Variants in KSR2 observed in about 807,000 individuals in gnomAD.
KSR2 encodes kinase suppressor of ras 2.
KSR2 carries 25 observed loss-of-function variants against 107.8 expected under a neutral mutation model. The ratio of observed to expected loss-of-function variants is 0.23; its 90% CI spans 0.17 to 0.32. KSR2 has a LOEUF of 0.32. Among genes scored for constraint, KSR2 ranks in the 10% least tolerant of loss-of-function variants. KSR2 has a pLI of 1.00. For missense variants in KSR2, 887 were observed against 1,268.9 expected (o/e 0.70, Z 4.57); for synonymous variants, 480 against 507.0 (o/e 0.95, Z 0.71).
At chr12:117,812,881 A>C (rs1294162096) in intron 3 of KSR2, among the ~76,000 whole-genome samples, 1 of 150,490 alleles carries the variant, frequency 6.6e-6, no homozygotes, top group African/African-American at 2.5e-5. Flanking sequence ...AAAAAGAACA[A>C]AGCTGGAGGC....
At chr12:117,763,137 G>A (rs815692) in intron 3 of KSR2, among the ~76,000 whole-genome samples, 11,563 of 151,552 alleles carry the variant, frequency 0.076, 652 homozygotes, top group Non-Finnish European at 0.12. Context: ...GAGAACATGC[G>A]GTGTTTGGTT....
At chr12:117,786,463 T>C (rs1271273475) in intron 3 of KSR2, among the ~76,000 whole-genome samples, 1 of 152,146 alleles carries the variant, frequency 6.6e-6, no homozygotes, top group African/African-American at 2.4e-5. Flanking sequence ...AGTTCTTTTT[T>C]CTCATCCTCT....
intron 3 of KSR2, among the ~76,000 whole-genome samples, chr12:117,808,155 G>A (rs1479163261): frequency 1.3e-5 from 2 of 152,158 alleles, no homozygotes; most frequent in African/African-American, 4.8e-5. Context: ...AAAGCCCAAA[G>A]TATGGCATTT....
chr12:117,599,005 G>A (rs7976621), intron 5 of KSR2, among the ~76,000 whole-genome samples: 48,490 of 151,838 alleles, frequency 0.32, 8,017 homozygotes, highest in African/African-American at 0.39. Context: ...AAGGGAAGGC[G>A]CCACCAGAAA....
At position 117,481,299 on chromosome 12, in the gene KSR2, C is replaced by A. The variant is rs141032867; in HGVS notation, c.2450+3117G>T. On this transcript the variant is annotated intron_variant, in intron 16 of 19. Transcript: ENST00000339824. ...CTCCCCCAAATTTAGTATGTTGAAC[C>A]CCTAACCCCCAATTTGATTGTATTT... is the stretch of plus-strand genomic sequence containing the variant. 5.2e-3 allele frequency among the ~76,000 whole-genome samples: 796 copies of A among 152,122 alleles called. 4 individuals are homozygous for A. Among genetic ancestry groups the A allele is most frequent in the Middle Eastern group, 0.01 (3 of 294 alleles).
At chr12:117,844,433 G>GA (rs901973315) in intron 3 of KSR2, among the ~76,000 whole-genome samples, 6 of 146,142 alleles carry the variant, frequency 4.1e-5, no homozygotes, top group South Asian at 2.2e-4. Flanking sequence ...TAACAGATAA[G>GA]AAAAAAAAAC....
intron 4 of KSR2, among the ~76,000 whole-genome samples, chr12:117,673,002 A>G (rs986335251): frequency 2.0e-5 from 3 of 152,162 alleles, no homozygotes; most frequent in African/African-American, 7.2e-5. Context: ...CTGGTGATAG[A>G]TAACCACGGT....
chr12:117,799,232 T>A (rs2137014025), intron 3 of KSR2, among the ~76,000 whole-genome samples: 1 of 152,368 alleles, frequency 6.6e-6, no homozygotes, highest in Admixed American at 6.5e-5. Context: ...CTGGGCGCGG[T>A]GGCTCACGCC....
At chr12:117,906,779 C>T (rs565285980) in intron 1 of KSR2, among the ~76,000 whole-genome samples, 2 of 152,264 alleles carry the variant, frequency 1.3e-5, no homozygotes, top group African/African-American at 4.8e-5. Flanking sequence ...GGCATGGTGG[C>T]TCATGCCTGT....
chr12:117,841,801 T>C (rs1892490940), intron 3 of KSR2, among the ~76,000 whole-genome samples: 1 of 152,240 alleles, frequency 6.6e-6, no homozygotes, highest in Non-Finnish European at 1.5e-5. Flanking sequence ...GCAAGGGCTC[T>C]ACCTTTCTGA....
At chr12:117,603,096 G>T (rs1881045801) in intron 5 of KSR2, among the ~76,000 whole-genome samples, 1 of 152,168 alleles carries the variant, frequency 6.6e-6, no homozygotes, top group African/African-American at 2.4e-5. Context: ...AGAATTAAGA[G>T]AATTACCAAG....
At position 117,860,390 on chromosome 12, in the gene KSR2, T is replaced by C; in HGVS notation, c.222A>G (p.Lys74=). 6.2e-7 allele frequency: 1 copy of C among 1,613,016 alleles called. No homozygotes were observed. The highest frequency in any genetic ancestry group is 8.5e-7 in the Non-Finnish European group (1 of 1,179,602). The part of the protein sequence containing the change: ...VKYFSRQLSC[K]KKVALQERNA... ...TGCGCTCCTGCAAGGCTACCTTCTT[T>C]TTGCAGGACAGCTGCCGGCTGAAGT... Residue 74 remains lysine (K), a synonymous_variant, in exon 2 of 20, where the codon AAA becomes AAG. Coordinates refer to ENST00000339824, the MANE Select transcript of KSR2 (RefSeq NM_173598.6).
At position 117,480,022 on chromosome 12, in the gene KSR2, A is replaced by ATGTGTGTG. The variant is rs752171470; in HGVS notation, c.2451-3428_2451-3427insCACACACA. ...CAATTACTGGACATAATCATTACAC[A>ATGTGTGTG]TGTGTATGTGTGTGTGTGTGTGTGT... On this transcript the variant is annotated intron_variant, in intron 16 of 19. Transcript: ENST00000339824. Among the ~76,000 whole-genome samples the ATGTGTGTG allele has an allele frequency of 6.3e-3, 900 of 142,180 alleles. 10 individuals are homozygous for ATGTGTGTG. Among genetic ancestry groups the ATGTGTGTG allele is most frequent in the Admixed American group, 7.4e-3 (110 of 14,902 alleles). 93.3% of individuals were successfully genotyped at this position (142,180 alleles called of 152,430 possible).
At chr12:117,881,553 C>T (rs190561114) in intron 1 of KSR2, among the ~76,000 whole-genome samples, 1 of 152,244 alleles carries the variant, frequency 6.6e-6, no homozygotes, top group Non-Finnish European at 1.5e-5. Context: ...AAAGTGACAA[C>T]AACATTCCCC....
chr12:117,480,650 T>C (rs2137133099), intron 16 of KSR2, among the ~76,000 whole-genome samples: 1 of 151,956 alleles, frequency 6.6e-6, no homozygotes, highest in Admixed American at 6.5e-5. Context: ...TACCCCAAGC[T>C]CTAACTGAGG....
At chr12:117,866,984 T>G (rs1593320412) in intron 1 of KSR2, among the ~76,000 whole-genome samples, 2 of 152,036 alleles carry the variant, frequency 1.3e-5, no homozygotes, top group East Asian at 3.9e-4. Flanking sequence ...TTAACCCTAC[T>G]CCATTTCTCC....
chr12:117,467,149 G>C lies in KSR2; in HGVS notation c.*50C>G. On this transcript the variant is annotated 3_prime_UTR_variant, in exon 20 of 20. Coordinates refer to ENST00000339824, the MANE Select transcript of KSR2 (RefSeq NM_173598.6). ...GCTGGCAGAGGACAGAGTAGGGAGG[G>C]AGAGGTGACGGGAGCCCAGGCAGCT... 1 of 670,534 alleles carries C rather than the reference G, an allele frequency of 1.5e-6. No individual in the cohort carries two copies. Among genetic ancestry groups the C allele is most frequent in the Non-Finnish European group, 2.7e-6 (1 of 370,134 alleles). 41.5% of individuals were successfully genotyped at this position (670,534 alleles called of 1,614,324 possible).
At chr12:117,788,852 G>A (rs1890165996) in intron 3 of KSR2, among the ~76,000 whole-genome samples, 1 of 152,178 alleles carries the variant, frequency 6.6e-6, no homozygotes, top group African/African-American at 2.4e-5. Context: ...AGAAGACAAA[G>A]CTGATCTTCT....
At chr12:117,942,805 T>G (rs371588979) in intron 1 of KSR2, among the ~76,000 whole-genome samples, 3 of 152,098 alleles carry the variant, frequency 2.0e-5, no homozygotes, top group South Asian at 4.1e-4. Context: ...CAGCCTATAT[T>G]TCTTAAAGAA....
Sources: gnomAD v4.1 joint callset for allele counts (sites outside exome capture counted in the v4.1 genomes callset) on GRCh38, gnomAD v4.1.1 for gene constraint, MANE v1.5 for transcripts, NCBI Gene and HGNC (gene_info 2026-07-23, HGNC 2026-07-21) for gene names.